The following TMEM72 variants were observed in gnomAD, a reference collection of about 807,000 sequenced individuals.
TMEM72 encodes the protein transmembrane protein 72.
In TMEM72, 9 loss-of-function variants were observed where a neutral mutation model predicts 16.3. The observed-to-expected ratio is 0.55, with a 90% CI of 0.33 to 0.96. The LOEUF is 0.96. Ranked by LOEUF, TMEM72 falls within the 40% of genes least tolerant of loss-of-function variation. TMEM72 has a pLI of 0.03. For missense variants in TMEM72, 324 were observed against 337.8 expected (o/e 0.96, Z 0.32); for synonymous variants, 160 against 146.5 (o/e 1.09, Z -0.66).
intron 1 of TMEM72, among the ~76,000 whole-genome samples, chr10:44,915,458 A>C (rs943377001): frequency 1.3e-5 from 2 of 152,188 alleles, no homozygotes; most frequent in African/African-American, 4.8e-5. Flanking sequence ...AGGGTCTCAC[A>C]CCAGGAAGCA....
intron 3 of TMEM72, among the ~76,000 whole-genome samples, chr10:44,932,505 A>G (rs1840315811): frequency 6.6e-6 from 1 of 151,826 alleles, no homozygotes; most frequent in Non-Finnish European, 1.5e-5. Flanking sequence ...GTATGTCTCT[A>G]CACCCCTTCG....
At chr10:44,916,318 C>G (rs1840013976) in intron 1 of TMEM72, among the ~76,000 whole-genome samples, 1 of 152,174 alleles carries the variant, frequency 6.6e-6, no homozygotes, top group South Asian at 2.1e-4. Flanking sequence ...CAGGTTTTGA[C>G]CCATTAACCT....
chr10:44,934,160 GT>G (rs1391604485), intron 4 of TMEM72, among the ~76,000 whole-genome samples: 1 of 152,124 alleles, frequency 6.6e-6, no homozygotes, highest in East Asian at 1.9e-4. Context: ...CCTCAGCCTG[GT>G]TTGAAAGGCA....
At chr10:44,920,539 A>G (rs769387208) in intron 1 of TMEM72, among the ~76,000 whole-genome samples, 1 of 152,204 alleles carries the variant, frequency 6.6e-6, no homozygotes, top group Non-Finnish European at 1.5e-5. Context: ...GGGCTTTGAG[A>G]AGGGACCTCA....
At chr10:44,922,882 G>T (rs890847209) in intron 1 of TMEM72, among the ~76,000 whole-genome samples, 5 of 152,176 alleles carry the variant, frequency 3.3e-5, no homozygotes, top group Admixed American at 3.3e-4. Context: ...TTACTCTAAG[G>T]CGTCAGGCCA....
At chr10:44,911,739 C>G (rs915352552) in intron 1 of TMEM72, among the ~76,000 whole-genome samples, 157 bp downstream of exon 1, 10 of 152,212 alleles carry the variant, frequency 6.6e-5, no homozygotes, top group South Asian at 2.1e-4. Context: ...CTCTGTAGAG[C>G]AGCAGCAAGT....
chr10:44,934,012 A>C (rs183679182), intron 4 of TMEM72, among the ~76,000 whole-genome samples: 4 of 152,306 alleles, frequency 2.6e-5, no homozygotes, highest in Admixed American at 6.5e-5. Flanking sequence ...AGCCGTACAG[A>C]AGTGGAACCG....
intron 1 of TMEM72, among the ~76,000 whole-genome samples, chr10:44,922,271 G>A (rs1168649453): frequency 6.6e-6 from 1 of 152,208 alleles, no homozygotes; most frequent in Non-Finnish European, 1.5e-5. Context: ...TCCGGGAACA[G>A]ACGCTCAGCA....
At position 44,935,559 on chromosome 10, in the gene TMEM72, C is replaced by T; in HGVS notation, c.*425C>T. The T allele has an allele frequency of 6.2e-6, 1 of 161,884 alleles. No individual in the cohort carries two copies. The highest frequency in any genetic ancestry group is 2.4e-5 in the African/African-American group (1 of 41,984). 10.0% of individuals were successfully genotyped at this position (161,884 alleles called of 1,614,324 possible). ...GGAACCTATGGTCCACCCATCTCTG[C>T]AGGCCCAGGGAAGTGTCAGTAACTT... On this transcript the variant is annotated 3_prime_UTR_variant, in exon 5 of 5. Transcript: ENST00000389583.
chr10:44,930,818 T>C (rs1460573618), intron 2 of TMEM72, among the ~76,000 whole-genome samples: 1 of 152,210 alleles, frequency 6.6e-6, no homozygotes, highest in Non-Finnish European at 1.5e-5. Context: ...TTACTGTTGA[T>C]GCACTATAAT....
intron 1 of TMEM72, among the ~76,000 whole-genome samples, chr10:44,916,582 C>T (rs1840017071): frequency 6.6e-6 from 1 of 152,108 alleles, no homozygotes; most frequent in African/African-American, 2.4e-5. Flanking sequence ...CATGTATATC[C>T]CCATGACCAC....
rs371128257 is a variant in TMEM72, at chr10:44,932,063, G to T, written c.203G>T (p.Cys68Phe). The part of the protein sequence containing the change: ...AYFVAQLLAI[C>F]FQCQPGSLAD... ...TTTGTGGCTCAGCTGCTGGCCATCTGCTTCCAGTAAGTAGTTTCCAGAGAG... is the reference window on the plus strand; with the variant it reads ...TTTGTGGCTCAGCTGCTGGCCATCTTCTTCCAGTAAGTAGTTTCCAGAGAG... Residue 68 changes from cysteine to phenylalanine, a missense_variant, in exon 3 of 5, where the codon TGC becomes TTC. Coordinates refer to ENST00000389583, the MANE Select transcript of TMEM72 (RefSeq NM_001123376.3). 6.2e-7 allele frequency: 1 copy of T among 1,612,784 alleles called. No individual in the cohort carries two copies. Among genetic ancestry groups the T allele is most frequent in the Non-Finnish European group, 8.5e-7 (1 of 1,179,430 alleles).
chr10:44,924,742 C>T (rs1412596466), intron 1 of TMEM72, among the ~76,000 whole-genome samples: 1 of 152,260 alleles, frequency 6.6e-6, no homozygotes, highest in Non-Finnish European at 1.5e-5. Context: ...TACAGCCTCC[C>T]ATGAGCGCCC....
Position 44,930,501 on chromosome 10 carries a change from TTATAA to T in TMEM72, c.138-1487_138-1483del, listed in dbSNP as rs1386447307. Among the ~76,000 whole-genome samples the T allele has an allele frequency of 1.5e-4, 23 of 152,334 alleles. No homozygotes were observed. The East Asian group carries it at 3.7e-3, about 24-fold the overall frequency. The stretch of plus-strand genomic sequence containing the variant: ...AAACTGACAGTAATTATAGTGTTTA[TTATAA>T]TATAATATAGTACTTATTATAAAAT... On this transcript the variant is annotated intron_variant, in intron 2 of 4. Coordinates refer to ENST00000389583, the MANE Select transcript of TMEM72 (RefSeq NM_001123376.3).
Position 44,927,926 on chromosome 10 carries a change from A to G in TMEM72, c.76A>G (p.Ile26Val). The stretch of plus-strand genomic sequence containing the variant: ...CTTCTTCTCTTGCCCCTTAGTGTTG[A>G]TCGGCGTGGGCACTGAGACCTTCCT... ...LLGITTAAVL[I>V]GVGTETFLQG... Residue 26 changes from isoleucine (I) to valine (V), a missense_variant, in exon 2 of 5, where the codon ATC becomes GTC. Transcript: ENST00000389583. The G allele has an allele frequency of 6.2e-7, 1 of 1,613,904 alleles. No individual in the cohort carries two copies. The highest frequency in any genetic ancestry group is 8.5e-7 in the Non-Finnish European group (1 of 1,179,968).
At chr10:44,933,034 C>T (rs7070914) in intron 3 of TMEM72, among the ~76,000 whole-genome samples, 26,709 of 152,280 alleles carry the variant, frequency 0.18, 2,643 homozygotes, top group African/African-American at 0.25. Context: ...GGCGCTGGGT[C>T]TAAAGGCAGG....
At position 44,934,751 on chromosome 10, in the gene TMEM72, T is replaced by C. The variant is rs1359991389; in HGVS notation, c.445T>C (p.Tyr149His). The change falls in exon 5 of 5, where the codon TAC becomes CAC. Residue 149 changes from tyrosine (Y) to histidine (H), a missense_variant. Coordinates refer to ENST00000389583, the MANE Select transcript of TMEM72 (RefSeq NM_001123376.3). The part of the protein sequence containing the change: ...APEVLASPEQ[Y>H]TDPSSSAVST... Reference sequence around the variant, plus strand: ...CGAGGTGCTGGCCTCCCCAGAGCAGTACACAGACCCCTCTAGCAGCGCTGT... The same window carrying C: ...CGAGGTGCTGGCCTCCCCAGAGCAGCACACAGACCCCTCTAGCAGCGCTGT... 2 of 1,613,430 alleles carry C rather than the reference T, an allele frequency of 1.2e-6. No individual in the cohort carries two copies. The highest frequency in any genetic ancestry group is 1.7e-6 in the Non-Finnish European group (2 of 1,179,968).
chr10:44,928,118 G>C (rs1840229612), intron 2 of TMEM72, 131 bp downstream of exon 2: 1 of 971,906 alleles, frequency 1.0e-6, no homozygotes, highest in Non-Finnish European at 1.6e-6. Flanking sequence ...GGTGAAGGGA[G>C]TTGAGGGGGG....
At chr10:44,920,954 G>A (rs1156888134) in intron 1 of TMEM72, among the ~76,000 whole-genome samples, 3 of 152,156 alleles carry the variant, frequency 2.0e-5, no homozygotes, top group Non-Finnish European at 4.4e-5. Context: ...GGATGAGAAG[G>A]ATACTCACAC....
Sources: allele counts gnomAD v4.1 joint callset (sites outside exome capture counted in the v4.1 genomes callset), GRCh38; gene constraint gnomAD v4.1.1; transcripts MANE v1.5; gene names NCBI Gene and HGNC (gene_info 2026-07-23, HGNC 2026-07-21).